The following ZNF226 variants were observed in gnomAD, a reference collection of about 807,000 sequenced individuals.
ZNF226 encodes zinc finger protein 226.
In ZNF226, 6 loss-of-function variants were observed where a neutral mutation model predicts 11.4. That is an observed-to-expected ratio of 0.53 (90% CI 0.29 to 1.04). ZNF226 has a LOEUF of 1.04. ZNF226 is among the 50% of genes least tolerant of loss of function. The pLI, the probability that ZNF226 is intolerant of heterozygous loss-of-function variation, is 0.08. For missense variants in ZNF226, 1,058 were observed against 956.5 expected (o/e 1.11, Z -1.40); for synonymous variants, 350 against 322.8 (o/e 1.08, Z -0.90).
chr19:44,199,179 C>CTGT, the ZNF226 span, among the ~76,000 whole-genome samples: 1 of 151,800 alleles, frequency 6.6e-6, no homozygotes, highest in African/African-American at 2.4e-5. Context: ...GTTGTTGTTG[C>CTGT]TGTTGTTGTT....
In ZNF226 at chr19:44,176,082, CA is replaced by C; in HGVS notation, c.822del (p.Gln274HisfsTer57). The C allele has an allele frequency of 6.2e-7, 1 of 1,614,150 alleles. No homozygotes were observed. The highest frequency in any genetic ancestry group is 8.5e-7 in the Non-Finnish European group (1 of 1,180,020). On this transcript the variant is annotated frameshift_variant, in exon 6 of 6. Transcript: ENST00000337433. LOFTEE classifies it low-confidence loss of function (END_TRUNC). ...LSSFDLHQQL[Q>X]SGEKSLTCVE... ...CAGCTTTGATCTTCATCAGCAGTTA[CA>C]ATCAGGAGAGAAGTCTCTTACATGT...
chr19:44,175,875 C>T lies in ZNF226; in HGVS notation c.613C>T (p.Pro205Ser). 1.2e-6 allele frequency: 2 copies of T among 1,613,264 alleles called. No individual in the cohort carries two copies. The highest frequency in any genetic ancestry group is 1.7e-5 in the Admixed American group (1 of 59,906). ...ATGTCAATGTAAGAAGGGTGTTGATCCCATCGGTTGGATTTCACATCATGA... is the reference window on the plus strand; with the variant it reads ...ATGTCAATGTAAGAAGGGTGTTGATTCCATCGGTTGGATTTCACATCATGA... ...KLCQCKKGVD[P>S]IGWISHHDGH... The change falls in exon 6 of 6, where the codon CCC becomes TCC. Residue 205 changes from proline to serine, a missense_variant. By Grantham distance (74) the Pro-to-Ser change is moderately conservative (BLOSUM62 -1). Transcript: ENST00000337433.
chr19:44,174,801 T>A, intron 5 of ZNF226: 1 of 429,734 alleles, frequency 2.3e-6, no homozygotes, highest in Non-Finnish European at 4.0e-6. Context: ...CTTCCAATTT[T>A]GACTCAGTGC....
chr19:44,188,149 T>C, the ZNF226 span, among the ~76,000 whole-genome samples: 1 of 152,170 alleles, frequency 6.6e-6, no homozygotes, highest in African/African-American at 2.4e-5. Context: ...AGTTGGTCTT[T>C]AGTGTTGTTC....
intron 3 of ZNF226, among the ~76,000 whole-genome samples, chr19:44,171,029 C>T (rs986390451): frequency 1.3e-5 from 2 of 151,780 alleles, no homozygotes; most frequent in South Asian, 4.1e-4. Flanking sequence ...ACATTTCTTA[C>T]ATTTATAACA....
downstream of ZNF226, among the ~76,000 whole-genome samples, chr19:44,181,464 A>T (rs1006055028): frequency 3.5e-5 from 5 of 143,776 alleles, no homozygotes; most frequent in Admixed American, 3.4e-4. Context: ...TTTCTATCTT[A>T]GCTTTTAGCT....
At chr19:44,174,279 T>A (rs745516713) in intron 5 of ZNF226, 1 of 152,232 alleles carries the variant, frequency 6.6e-6, no homozygotes, top group Non-Finnish European at 1.5e-5. Context: ...TTTGAGCATT[T>A]GTAGCAGAGC....
chr19:44,166,357 C>T (rs994027737), intron 2 of ZNF226, among the ~76,000 whole-genome samples: 11 of 152,080 alleles, frequency 7.2e-5, no homozygotes, highest in African/African-American at 2.2e-4. Context: ...AAAAATTAGC[C>T]AGGCGTGGTG....
chr19:44,190,360 G>A, the ZNF226 span, among the ~76,000 whole-genome samples: 1 of 152,014 alleles, frequency 6.6e-6, no homozygotes, highest in Non-Finnish European at 1.5e-5. Flanking sequence ...TTGAGGCGGA[G>A]TCTCGCTGTG....
chr19:44,188,379 C>T, the ZNF226 span, among the ~76,000 whole-genome samples: 3 of 152,030 alleles, frequency 2.0e-5, no homozygotes, highest in African/African-American at 7.2e-5. Flanking sequence ...AATCTTGGAT[C>T]AAAAATATTT....
the ZNF226 span, among the ~76,000 whole-genome samples, chr19:44,188,871 A>G: frequency 2.6e-5 from 4 of 152,228 alleles, no homozygotes; most frequent in African/African-American, 7.2e-5. Flanking sequence ...AGGGAGGTAA[A>G]TGAAGACAAG....
chr19:44,187,919 A>G, the ZNF226 span, among the ~76,000 whole-genome samples: 1 of 152,038 alleles, frequency 6.6e-6, no homozygotes, highest in Non-Finnish European at 1.5e-5. This position sits in a 1 kb window ranked among gnomAD's most constrained non-coding sequence, Gnocchi z 4.0. Flanking sequence ...TAATTTCCAC[A>G]TATTTGTGGA....
chr19:44,196,269 T>A, the ZNF226 span, among the ~76,000 whole-genome samples: 1 of 152,258 alleles, frequency 6.6e-6, no homozygotes. Flanking sequence ...ATCAAGATGG[T>A]ACATTCTGTG....
At chr19:44,170,452 T>G (rs1384075486) in intron 3 of ZNF226, among the ~76,000 whole-genome samples, 3 of 151,104 alleles carry the variant, frequency 2.0e-5, no homozygotes, top group African/African-American at 7.3e-5. Flanking sequence ...AATACAAAAA[T>G]TAGGCCGGGC....
At chr19:44,180,128 C>A (rs1970886576), downstream of ZNF226, among the ~76,000 whole-genome samples, 1 of 142,714 alleles carries the variant, frequency 7.0e-6, no homozygotes, top group African/African-American at 2.6e-5. Context: ...AAGGTGAGGG[C>A]AAATTCAGAA....
At position 44,176,616 on chromosome 19, in the gene ZNF226, T is replaced by A. The variant is rs1395038098; in HGVS notation, c.1354T>A (p.Cys452Ser). ...AGAAAAACCCTATAAATGTGAGGAA[T>A]GTGGTAAAGGCTTTAGTCGGCCTTC... ...TGEKPYKCEE[C>S]GKGFSRPSSL... is the part of the protein sequence containing the mutation. Residue 452 changes from cysteine to serine, a missense_variant, in exon 6 of 6, where the codon TGT becomes AGT. Transcript: ENST00000337433. 8.1e-6 allele frequency: 13 copies of A among 1,613,964 alleles called. No homozygotes were observed. In the East Asian group the frequency reaches 2.9e-4, roughly 36 times the overall value.
At chr19:44,175,156 G>A (rs548244326) in intron 5 of ZNF226, 74 of 1,500,202 alleles carry the variant, frequency 4.9e-5, no homozygotes, top group Admixed American at 7.2e-5. Context: ...TAACTTCTGG[G>A]CTGTGGTTGT....
intron 2 of ZNF226, among the ~76,000 whole-genome samples, chr19:44,166,416 G>A (rs1599713942): frequency 2.0e-5 from 3 of 152,106 alleles, no homozygotes; most frequent in Admixed American, 6.5e-5. Flanking sequence ...CAGGAGAATC[G>A]CTTGAACCCA....
At chr19:44,182,340 C>T (rs930033040), downstream of ZNF226, among the ~76,000 whole-genome samples, 4 of 146,480 alleles carry the variant, frequency 2.7e-5, no homozygotes, top group African/African-American at 8.2e-5. Flanking sequence ...ACACGTGATG[C>T]GCGCGCGCGC....
Sources: gnomAD v4.1 joint callset for allele counts (sites outside exome capture counted in the v4.1 genomes callset) on GRCh38, gnomAD v4.1.1 for gene constraint, Gnocchi (gnomAD v3.1) non-coding constraint, MANE v1.5 for transcripts, NCBI Gene and HGNC (gene_info 2026-07-23, HGNC 2026-07-21) for gene names.